CPNE4: variants seen among roughly 807,000 people sequenced by gnomAD.
CPNE4 encodes the protein copine 4.
A neutral mutation model predicts 67.9 loss-of-function variants in CPNE4; 25 were observed. The observed-to-expected ratio is 0.37, with a 90% CI of 0.27 to 0.51. CPNE4 has a LOEUF of 0.51. Ranked by LOEUF, CPNE4 falls within the 20% of genes least tolerant of loss-of-function variation. CPNE4 has a pLI of 0.93. For missense variants in CPNE4, 464 were observed against 690.8 expected (o/e 0.67, Z 3.68); for synonymous variants, 242 against 244.9 (o/e 0.99, Z 0.11).
chr3:131,607,507 C>A (rs1279938548), intron 7 of CPNE4, among the ~76,000 whole-genome samples: 2 of 152,116 alleles, frequency 1.3e-5, no homozygotes, highest in Non-Finnish European at 1.5e-5. Context: ...TTATTAGAAC[C>A]TAATTAGAAA....
chr3:131,864,653 C>A (rs1009479793), intron 2 of CPNE4, among the ~76,000 whole-genome samples: 20 of 151,982 alleles, frequency 1.3e-4, no homozygotes, highest in African/African-American at 4.8e-4. Flanking sequence ...CATCTGCAAA[C>A]AGGGACAATT....
intron 2 of CPNE4, among the ~76,000 whole-genome samples, chr3:131,802,725 C>A (rs2084176373): frequency 6.6e-6 from 1 of 152,142 alleles, no homozygotes; most frequent in African/African-American, 2.4e-5. Flanking sequence ...GGAGGGAAAC[C>A]CTGGAATCTC....
At chr3:131,873,396 G>A (rs754529905) in intron 2 of CPNE4, among the ~76,000 whole-genome samples, 2 of 152,182 alleles carry the variant, frequency 1.3e-5, no homozygotes, top group Non-Finnish European at 2.9e-5. Context: ...TGGGCTCTGA[G>A]ATTTGGCCAG....
intron 2 of CPNE4, among the ~76,000 whole-genome samples, chr3:131,771,314 G>C (rs988123996): frequency 3.9e-5 from 6 of 152,074 alleles, no homozygotes; most frequent in Non-Finnish European, 8.8e-5. Flanking sequence ...CACTGTTATA[G>C]TTGGTATGTT....
chr3:131,716,880 A>G (rs113575506), intron 3 of CPNE4, among the ~76,000 whole-genome samples: 5,109 of 152,238 alleles, frequency 0.034, 96 homozygotes, highest in Middle Eastern at 0.058. Flanking sequence ...AGACCATCAG[A>G]CCCCACACCA....
chr3:131,815,990 A>G (rs915204763), intron 2 of CPNE4, among the ~76,000 whole-genome samples: 3 of 152,202 alleles, frequency 2.0e-5, no homozygotes, highest in Admixed American at 1.3e-4. Context: ...TTAAAGTTGA[A>G]TTATAAACTA....
intron 2 of CPNE4, among the ~76,000 whole-genome samples, chr3:131,839,891 A>G (rs140988207): frequency 6.6e-6 from 1 of 152,314 alleles, no homozygotes; most frequent in East Asian, 1.9e-4. Flanking sequence ...ATGCCATTGC[A>G]AAGTTTCATT....
intron 2 of CPNE4, among the ~76,000 whole-genome samples, chr3:131,818,307 G>A (rs79559845): frequency 0.011 from 1,747 of 152,248 alleles, 15 homozygotes; most frequent in Middle Eastern, 0.075. Flanking sequence ...GCTTCACAGC[G>A]TAAGGCTACA....
intron 10 of CPNE4, among the ~76,000 whole-genome samples, chr3:131,572,099 G>A (rs1937366031): frequency 6.6e-6 from 1 of 152,104 alleles, no homozygotes; most frequent in Admixed American, 6.5e-5. Context: ...CTTAGCAGCT[G>A]AGGAGAAAGA....
At chr3:131,956,364 A>G (rs1487697956) in intron 1 of CPNE4, among the ~76,000 whole-genome samples, 1 of 152,164 alleles carries the variant, frequency 6.6e-6, no homozygotes, top group African/African-American at 2.4e-5. Context: ...TGGGATTCAT[A>G]AGGGCATATT....
chr3:131,908,736 G>A (rs779700470), intron 1 of CPNE4, among the ~76,000 whole-genome samples: 1 of 152,114 alleles, frequency 6.6e-6, no homozygotes, highest in Non-Finnish European at 1.5e-5. Flanking sequence ...TATCAGTCTT[G>A]ATTGTGAGGT....
At position 131,713,137 on chromosome 3, in the gene CPNE4, T is replaced by TC. The variant is rs398040204; in HGVS notation, c.360+10308_360+10309insG. Among the ~76,000 whole-genome samples the TC allele has an allele frequency of 4.0e-5, 6 of 151,842 alleles. No individual in the cohort carries two copies. The South Asian group carries it at 1.0e-3, about 26-fold the overall frequency. On this transcript the variant is annotated intron_variant, in intron 3 of 15. Coordinates refer to ENST00000429747, the MANE Select transcript of CPNE4 (RefSeq NM_130808.3). ...CAGGCTCCTGTAGCTGTTTTTTTTT[T>TC]AGCATTGATACACTAGTCCTTGCAA...
intron 1 of CPNE4, among the ~76,000 whole-genome samples, chr3:132,018,673 A>G (rs2073935248): frequency 1.3e-5 from 2 of 152,166 alleles, no homozygotes; most frequent in Admixed American, 6.5e-5. Context: ...ACAACTCTCT[A>G]CATTAAAGCA....
At chr3:131,772,333 T>A (rs1352035959) in intron 2 of CPNE4, among the ~76,000 whole-genome samples, 1 of 152,164 alleles carries the variant, frequency 6.6e-6, no homozygotes, top group African/African-American at 2.4e-5. Context: ...AACCATTAAT[T>A]GGTATTAGTA....
At chr3:131,937,132 T>C (rs1472607842) in intron 1 of CPNE4, among the ~76,000 whole-genome samples, 7 of 152,020 alleles carry the variant, frequency 4.6e-5, no homozygotes, top group African/African-American at 1.7e-4. Context: ...ATTAAAAACA[T>C]ACAATCAAGA....
At chr3:131,936,580 T>A (rs2071229536) in intron 1 of CPNE4, among the ~76,000 whole-genome samples, 1 of 151,730 alleles carries the variant, frequency 6.6e-6, no homozygotes, top group African/African-American at 2.4e-5. Context: ...TTTTGCTCAC[T>A]GAAGAGCAAT....
chr3:131,981,486 T>C (rs984721225), intron 1 of CPNE4, among the ~76,000 whole-genome samples: 3 of 152,188 alleles, frequency 2.0e-5, no homozygotes, highest in Non-Finnish European at 2.9e-5. Flanking sequence ...AAGCTGGCAG[T>C]CACAGGCTTC....
intron 2 of CPNE4, among the ~76,000 whole-genome samples, chr3:131,827,913 A>G (rs1360579638): frequency 6.6e-6 from 1 of 152,038 alleles, no homozygotes; most frequent in Non-Finnish European, 1.5e-5. Context: ...GATTCTTAAA[A>G]AATACCTTGT....
At chr3:131,807,233 G>A (rs971535959) in intron 2 of CPNE4, among the ~76,000 whole-genome samples, 3 of 152,098 alleles carry the variant, frequency 2.0e-5, no homozygotes, top group African/African-American at 7.2e-5. Context: ...AAGTTTCCTT[G>A]CCCCAAGCCA....
Sources: gnomAD v4.1 joint callset for allele counts (sites outside exome capture counted in the v4.1 genomes callset) on GRCh38, gnomAD v4.1.1 for gene constraint, MANE v1.5 for transcripts, NCBI Gene and HGNC (gene_info 2026-07-23, HGNC 2026-07-21) for gene names.